Variants in FAF1 observed in about 807,000 individuals in gnomAD.
FAF1 encodes Fas associated factor 1.
Under a neutral mutation model 92.5 loss-of-function variants are expected in FAF1, and 25 were observed. The ratio of observed to expected loss-of-function variants is 0.27; its 90% CI spans 0.20 to 0.38. The LOEUF is 0.38. Ranked by LOEUF, FAF1 falls within the 10% of genes least tolerant of loss-of-function variation. The probability of loss-of-function intolerance (pLI) is 1.00; values close to 1 mark genes in which losing one functional copy is unlikely to be tolerated. For synonymous variants in FAF1, 234 were observed against 273.2 expected (o/e 0.86, Z 1.42); for missense variants, 636 against 793.3 (o/e 0.80, Z 2.38).
chr1:50,950,827 G>A (rs1034295172), intron 1 of FAF1, among the ~76,000 whole-genome samples: 10 of 152,134 alleles, frequency 6.6e-5, no homozygotes, highest in Non-Finnish European at 5.9e-5. Flanking sequence ...TATTTTATAC[G>A]TAAGTTTCCT....
At chr1:50,705,026 T>C (rs998937900) in intron 7 of FAF1, among the ~76,000 whole-genome samples, 30 of 152,134 alleles carry the variant, frequency 2.0e-4, no homozygotes, top group Admixed American at 6.5e-5. Context: ...TTAGAAAAAT[T>C]AGTAGACAAA....
At chr1:50,449,409 T>C (rs559731483) in intron 18 of FAF1, among the ~76,000 whole-genome samples, 1 of 152,246 alleles carries the variant, frequency 6.6e-6, no homozygotes, top group African/African-American at 2.4e-5. Flanking sequence ...TCCCAGATTA[T>C]AGTGAAGCTG....
At chr1:50,690,430 C>G (rs1656868198) in intron 7 of FAF1, among the ~76,000 whole-genome samples, 1 of 151,980 alleles carries the variant, frequency 6.6e-6, no homozygotes, top group African/African-American at 2.4e-5. Context: ...TGGTGAAACC[C>G]TCTCTACTAA....
chr1:50,511,661 G>C (rs7517901), intron 15 of FAF1, among the ~76,000 whole-genome samples: 1 of 152,078 alleles, frequency 6.6e-6, no homozygotes, highest in Non-Finnish European at 1.5e-5. Context: ...TGGGCATTTG[G>C]GTTGGTTCCA....
Position 50,510,990 on chromosome 1 carries a change from T to C in FAF1, c.1495-19189A>G, listed in dbSNP as rs181349219. Among the ~76,000 whole-genome samples, 362 of 152,298 alleles carry C rather than the reference T, an allele frequency of 2.4e-3. 1 individual carries two copies. Among genetic ancestry groups the C allele is most frequent in the African/African-American group, 8.5e-3 (353 of 41,568 alleles). On this transcript the variant is annotated intron_variant, in intron 15 of 18. Transcript: ENST00000396153. The stretch of plus-strand genomic sequence containing the variant: ...TTATATGGAAGACATATTTTATCTA[T>C]TAAAAAGTCCCCAAATTCTAGAAAG...
chr1:50,904,702 T>A (rs1644821315), intron 1 of FAF1, among the ~76,000 whole-genome samples: 1 of 152,110 alleles, frequency 6.6e-6, no homozygotes, highest in Admixed American at 6.5e-5. Context: ...TCTTCCTGCT[T>A]ATAAATATTA....
rs1025707953 is a variant in FAF1, at chr1:50,960,091, C to G, written c.-280G>C. The G allele has an allele frequency of 2.6e-6, 1 of 391,780 alleles. No individual in the cohort carries two copies. The highest frequency in any genetic ancestry group is 4.4e-5 in the Admixed American group (1 of 22,480). The allele number at this position is 391,780 out of a possible 1,614,324, so 24.3% of individuals were successfully genotyped here. A position where few individuals can be genotyped will look rare whatever the true frequency, so the allele number is the denominator to read the frequency against. Reference sequence around the variant, plus strand: ...AGGAAGATTGGTCTGGATGTGGGTCCGGTCTTACAGTCGCGGGCCAGGATG... The same window carrying G: ...AGGAAGATTGGTCTGGATGTGGGTCGGGTCTTACAGTCGCGGGCCAGGATG... On this transcript the variant is annotated 5_prime_UTR_variant, in exon 1 of 19. Transcript: ENST00000396153.
At chr1:50,729,053 T>G (rs1296542796) in intron 6 of FAF1, among the ~76,000 whole-genome samples, 1 of 99,612 alleles carries the variant, frequency 1.0e-5, no homozygotes, top group Non-Finnish European at 2.1e-5. Context: ...TATATATATA[T>G]ATATATTTTT....
At chr1:50,626,833 T>C (rs563866327) in intron 8 of FAF1, among the ~76,000 whole-genome samples, 1 of 152,242 alleles carries the variant, frequency 6.6e-6, no homozygotes, top group African/African-American at 2.4e-5. Flanking sequence ...TGGTATCTTA[T>C]ATTGGGGTAG....
chr1:50,595,192 T>G (rs1651739808), intron 9 of FAF1, among the ~76,000 whole-genome samples: 2 of 151,948 alleles, frequency 1.3e-5, no homozygotes, highest in South Asian at 4.1e-4. Flanking sequence ...GTAGCTGGGA[T>G]TAAAGGAATG....
At chr1:50,924,941 C>T (rs571813641) in intron 1 of FAF1, among the ~76,000 whole-genome samples, 1 of 152,308 alleles carries the variant, frequency 6.6e-6, no homozygotes, top group Admixed American at 6.5e-5. Flanking sequence ...TGAGATCGTG[C>T]CATTGCACTC....
intron 7 of FAF1, among the ~76,000 whole-genome samples, chr1:50,698,343 T>C (rs1002559489): frequency 1.3e-5 from 2 of 152,132 alleles, no homozygotes; most frequent in African/African-American, 4.8e-5. Context: ...GTCTCTGGCA[T>C]TCAGGAATCT....
rs578020807 is a variant in FAF1 at position 50,526,912 on chromosome 1, T to G, written c.1494+8457A>C. On this transcript the variant is annotated intron_variant, in intron 15 of 18. Transcript: ENST00000396153. ...GCTCTGTTGCCCAGCTGGAGTGTAG[T>G]GGCGTGATCTCGGCTCACTGCAACG... Among the ~76,000 whole-genome samples, 371 of 151,904 alleles carry G rather than the reference T, an allele frequency of 2.4e-3. 1 individual carries two copies. Among genetic ancestry groups the G allele is most frequent in the Admixed American group, 4.1e-3 (63 of 15,238 alleles).
chr1:50,797,771 T>C lies in FAF1; in HGVS notation c.161+3860A>G, dbSNP rs1261095701. The stretch of plus-strand genomic sequence containing the variant: ...CTGTAGACCCAGTTACTCAGGAGGC[T>C]GAGTCAGAAAGATTGCTTGAGCTCA... On this transcript the variant is annotated intron_variant, in intron 3 of 18. Coordinates refer to ENST00000396153, the MANE Select transcript of FAF1 (RefSeq NM_007051.3). Among the ~76,000 whole-genome samples, 4 of 152,226 alleles carry C rather than the reference T, an allele frequency of 2.6e-5. No homozygotes were observed. In the East Asian group the frequency reaches 7.7e-4, roughly 29 times the overall value.
At chr1:50,538,729 C>A (rs1648614756) in intron 14 of FAF1, among the ~76,000 whole-genome samples, 1 of 152,034 alleles carries the variant, frequency 6.6e-6, no homozygotes, top group Non-Finnish European at 1.5e-5. Flanking sequence ...ATCCATTTAC[C>A]CTATGCAAAT....
chr1:50,661,746 T>C (rs1655383347), intron 7 of FAF1, among the ~76,000 whole-genome samples: 1 of 152,198 alleles, frequency 6.6e-6, no homozygotes, highest in Admixed American at 6.5e-5. Context: ...AATTCCAGTA[T>C]CCTAGCAATC....
In FAF1 at chr1:50,642,273, GT is replaced by G. The variant is rs540383081; in HGVS notation, c.744+13168del. 1.5e-4 allele frequency among the ~76,000 whole-genome samples: 22 copies of G among 151,104 alleles called. No individual in the cohort carries two copies. In the South Asian group the frequency reaches 3.8e-3, roughly 26 times the overall value. On this transcript the variant is annotated intron_variant, in intron 8 of 18. Transcript: ENST00000396153. ...GTCACAGTCATCCCAAATTTCTTAT[GT>G]TTAGTGTTTGGATGGCAAATATTTT...
chr1:50,630,828 C>CTTTT (rs1052085908), intron 8 of FAF1, among the ~76,000 whole-genome samples: 65 of 102,492 alleles, frequency 6.3e-4, no homozygotes, highest in African/African-American at 9.0e-4. Context: ...TGTATCATAT[C>CTTTT]TTTTTTTTTT....
chr1:50,512,537 TG>T, intron 15 of FAF1, among the ~76,000 whole-genome samples: 1 of 152,212 alleles, frequency 6.6e-6, no homozygotes, highest in South Asian at 2.1e-4. Context: ...AAAGATTAGA[TG>T]GTTGTACATG....
Sources: allele counts gnomAD v4.1 joint callset (sites outside exome capture counted in the v4.1 genomes callset), GRCh38; gene constraint gnomAD v4.1.1; transcripts MANE v1.5; gene names NCBI Gene and HGNC (gene_info 2026-07-23, HGNC 2026-07-21).